The following MICAL3 variants were observed in gnomAD, a reference collection of about 807,000 sequenced individuals.
The protein encoded by MICAL3 is [F-actin]-monooxygenase MICAL3.
MICAL3 carries 62 observed loss-of-function variants against 207.4 expected under a neutral mutation model. That is an observed-to-expected ratio of 0.30 (90% CI 0.24 to 0.37). The LOEUF (loss-of-function observed/expected upper bound fraction) is 0.37. MICAL3 is among the 10% of genes least tolerant of loss of function. MICAL3 has a pLI of 1.00. For missense variants in MICAL3, 2,368 were observed against 2,635.6 expected (o/e 0.90, Z 2.22); for synonymous variants, 1,077 against 1,069.3 (o/e 1.01, Z -0.14).
chr22:17,927,957 A>G (rs1184017021), intron 1 of MICAL3, among the ~76,000 whole-genome samples: 1 of 152,184 alleles, frequency 6.6e-6, no homozygotes, highest in African/African-American at 2.4e-5. Flanking sequence ...CCAGAACCAC[A>G]ACACACACTC....
At chr22:17,872,680 A>G (rs1005003792) in intron 16 of MICAL3, 18 of 969,164 alleles carry the variant, frequency 1.9e-5, no homozygotes, top group Non-Finnish European at 6.7e-6. Context: ...TAAGTGACTC[A>G]GCACACAGGT....
At chr22:17,909,006 T>A (rs573531239) in intron 1 of MICAL3, among the ~76,000 whole-genome samples, 57 of 152,266 alleles carry the variant, frequency 3.7e-4, no homozygotes, top group African/African-American at 1.4e-3. Context: ...CACCATGGTA[T>A]CACAGGATTA....
At position 17,914,473 on chromosome 22, in the gene MICAL3, A is replaced by G. The variant is rs552637548; in HGVS notation, c.-74-7587T>C. On this transcript the variant is annotated intron_variant, in intron 1 of 31. Coordinates refer to ENST00000441493, the MANE Select transcript of MICAL3 (RefSeq NM_015241.3). ...CATGTTTTGGGTCCAGACTTGTCCA[A>G]TTGAGAGCCTAAGTCCTTAGCCATC... Among the ~76,000 whole-genome samples, 14 of 147,658 alleles carry G rather than the reference A, an allele frequency of 9.5e-5. No homozygotes were observed. In the South Asian group the frequency reaches 2.0e-3, roughly 21 times the overall value.
intron 19 of MICAL3, among the ~76,000 whole-genome samples, chr22:17,848,047 C>G (rs1412682290): frequency 6.6e-6 from 1 of 152,176 alleles, no homozygotes; most frequent in Non-Finnish European, 1.5e-5. Flanking sequence ...AAAGGAAGCA[C>G]CAAGCCATGA....
intron 28 of MICAL3, among the ~76,000 whole-genome samples, chr22:17,810,223 T>G (rs1054575153): frequency 1.8e-4 from 28 of 151,640 alleles, no homozygotes; most frequent in Non-Finnish European, 3.2e-4. Context: ...CCACCACGCC[T>G]GGCTAATTTT....
At chr22:17,934,095 A>G (rs547016981) in intron 1 of MICAL3, among the ~76,000 whole-genome samples, 1 of 152,306 alleles carries the variant, frequency 6.6e-6, no homozygotes, top group Admixed American at 6.5e-5. Context: ...TCAACAGAAA[A>G]AGAGGGAATC....
chr22:17,882,604 A>G (rs752700657), intron 16 of MICAL3, among the ~76,000 whole-genome samples: 18 of 152,220 alleles, frequency 1.2e-4, no homozygotes, highest in Admixed American at 7.2e-4. Flanking sequence ...TTCTATGTGA[A>G]TACTATACAT....
rs759124136 is a variant in MICAL3, at chr22:17,864,867, C to G, written c.2605+32G>C. The G allele has an allele frequency of 1.9e-6, 3 of 1,613,896 alleles. No homozygotes were observed. The South Asian group carries it at 3.3e-5, about 18-fold the overall frequency. On this transcript the variant is annotated intron_variant, in intron 19 of 31. Transcript: ENST00000441493. ...TGTCACAGAGGCCGAGGGAGTGACG[C>G]GCCACCCAGCCAAACAAGGAAGTGA...
Position 17,976,581 on chromosome 22 carries a change from A to T in MICAL3, c.-75+47700T>A, listed in dbSNP as rs1372269574. Among the ~76,000 whole-genome samples the T allele has an allele frequency of 2.8e-3, 255 of 90,434 alleles. 16 individuals carry two copies. The highest frequency in any genetic ancestry group is 8.5e-3 in the African/African-American group (153 of 18,052). The allele number at this position is 90,434 out of a possible 152,430, so 59.3% of individuals were successfully genotyped here. A position where few individuals can be genotyped will look rare whatever the true frequency, so the allele number is the denominator to read the frequency against. On this transcript the variant is annotated intron_variant, in intron 1 of 31. Transcript: ENST00000441493. ...TGTGTGTATATATATATATATATAT[A>T]TATATATATTTTTTTTTTTTTTTTT...
At position 17,796,043 on chromosome 22, in the gene MICAL3, C is replaced by T. The variant is rs116876221; in HGVS notation, c.5651-4742G>A. On this transcript the variant is annotated intron_variant, in intron 29 of 31. Coordinates refer to ENST00000441493, the MANE Select transcript of MICAL3 (RefSeq NM_015241.3). This position sits in a 1 kb window ranked among gnomAD's most constrained non-coding sequence, Gnocchi z 4.4. ...TTGGTTTTTCTCAACATCAGGGTAA[C>T]GGGTTTCCATCTGTTGCTAACAGGT... 0.018 allele frequency among the ~76,000 whole-genome samples: 2,785 copies of T among 152,278 alleles called. 36 individuals are homozygous for T. The highest frequency in any genetic ancestry group is 0.034 in the Middle Eastern group (10 of 294).
chr22:17,962,397 A>G (rs1284813421), intron 1 of MICAL3, among the ~76,000 whole-genome samples: 1 of 152,200 alleles, frequency 6.6e-6, no homozygotes, highest in African/African-American at 2.4e-5. Context: ...GAGGTAGAGA[A>G]GCAGCGCTGC....
At chr22:17,934,603 G>C (rs1233334342) in intron 1 of MICAL3, among the ~76,000 whole-genome samples, 1 of 152,170 alleles carries the variant, frequency 6.6e-6, no homozygotes, top group Non-Finnish European at 1.5e-5. Context: ...GGAAGTTCTG[G>C]ACAGGGCAAT....
chr22:17,801,949 G>T (rs1012105169), intron 29 of MICAL3, among the ~76,000 whole-genome samples: 3 of 152,052 alleles, frequency 2.0e-5, no homozygotes, highest in Admixed American at 2.0e-4. Flanking sequence ...AACAAAGAAA[G>T]CAGGAGATGC....
intron 29 of MICAL3, among the ~76,000 whole-genome samples, chr22:17,807,299 G>C (rs2061998722): frequency 6.6e-6 from 1 of 152,222 alleles, no homozygotes; most frequent in African/African-American, 2.4e-5. Flanking sequence ...CTGGGCTCAG[G>C]CTTAACTGAG....
intron 29 of MICAL3, among the ~76,000 whole-genome samples, chr22:17,792,246 G>C (rs926620556): frequency 2.0e-5 from 3 of 152,148 alleles, no homozygotes; most frequent in Admixed American, 2.0e-4. Flanking sequence ...TGTGTCAGTG[G>C]CTCTTCAATA....
chr22:17,905,639 C>G (rs1010583068), intron 2 of MICAL3, among the ~76,000 whole-genome samples: 1 of 152,114 alleles, frequency 6.6e-6, no homozygotes, highest in Non-Finnish European at 1.5e-5. Flanking sequence ...CCCTATTGCA[C>G]AAATTAAAGC....
intron 1 of MICAL3, among the ~76,000 whole-genome samples, chr22:18,008,800 G>A (rs1479867487): frequency 6.6e-6 from 1 of 151,920 alleles, no homozygotes; most frequent in African/African-American, 2.4e-5. Context: ...AAGATTGGGT[G>A]TGGTGGCTCC....
Position 18,018,353 on chromosome 22 carries a change from C to T in MICAL3, c.-75+5928G>A, listed in dbSNP as rs183339256. Reference sequence around the variant, plus strand: ...TTCTGTCGGTATTTGCTCAAGGTAACGACTTTAAAAGTTTCTTGACCATGA... The same window carrying T: ...TTCTGTCGGTATTTGCTCAAGGTAATGACTTTAAAAGTTTCTTGACCATGA... On this transcript the variant is annotated intron_variant, in intron 1 of 31. Coordinates refer to ENST00000441493, the MANE Select transcript of MICAL3 (RefSeq NM_015241.3). Among the ~76,000 whole-genome samples, 535 of 152,232 alleles carry T rather than the reference C, an allele frequency of 3.5e-3. 2 individuals are homozygous for T. Among genetic ancestry groups the T allele is most frequent in the African/African-American group, 8.4e-3 (348 of 41,550 alleles).
At chr22:17,794,465 C>T (rs2145951515) in intron 29 of MICAL3, among the ~76,000 whole-genome samples, 1 of 152,378 alleles carries the variant, frequency 6.6e-6, no homozygotes, top group South Asian at 2.1e-4. Context: ...GGGCAGCACG[C>T]CATCCGGTGA....
Sources: allele counts gnomAD v4.1 joint callset (sites outside exome capture counted in the v4.1 genomes callset), GRCh38; gene constraint gnomAD v4.1.1; non-coding constraint Gnocchi (gnomAD v3.1); transcripts MANE v1.5; gene names NCBI Gene and HGNC (gene_info 2026-07-23, HGNC 2026-07-21).